FHIT: variants seen among roughly 807,000 people sequenced by gnomAD.
The protein encoded by FHIT is fragile histidine triad diadenosine triphosphatase.
A neutral mutation model predicts 17.9 loss-of-function variants in FHIT; 19 were observed. The ratio of observed to expected loss-of-function variants is 1.06; its 90% CI spans 0.74 to 1.56. The LOEUF (loss-of-function observed/expected upper bound fraction) is 1.56, where lower values mean the gene tolerates loss of function less well. Among genes scored for constraint, FHIT ranks in the 40% most tolerant of loss-of-function variants. The probability of loss-of-function intolerance (pLI) is 0.00; values close to 1 mark genes in which losing one functional copy is unlikely to be tolerated. For synonymous variants in FHIT, 81 were observed against 69.7 expected (o/e 1.16, Z -0.81); for missense variants, 248 against 189.2 (o/e 1.31, Z -1.82).
intron 8 of FHIT, among the ~76,000 whole-genome samples, chr3:59,798,058 C>G (rs753175041): frequency 6.6e-6 from 1 of 152,136 alleles, no homozygotes. Context: ...GTGATTTCCT[C>G]TTCAACACCA....
At chr3:60,128,793 C>T (rs1482361333) in intron 5 of FHIT, among the ~76,000 whole-genome samples, 1 of 152,148 alleles carries the variant, frequency 6.6e-6, no homozygotes, top group Non-Finnish European at 1.5e-5. Context: ...ATGAACACTG[C>T]ACAGGTGAAC....
Position 60,167,955 on chromosome 3 carries a change from T to C in FHIT, c.104-153803A>G, listed in dbSNP as rs1469859531. 2.0e-5 allele frequency among the ~76,000 whole-genome samples: 3 copies of C among 151,964 alleles called. No homozygotes were observed. The South Asian group carries it at 6.2e-4, about 32-fold the overall frequency. On this transcript the variant is annotated intron_variant, in intron 5 of 9. Transcript: ENST00000492590. ...GGGAAGATGGGCTGAGCCTGAGAGG[T>C]TGAGAACTCAGTGAGCCGTGATCAC... is the stretch of plus-strand genomic sequence containing the variant.
rs375833920 is a variant in FHIT at position 60,457,541 on chromosome 3, G to A, written c.103+79319C>T. On this transcript the variant is annotated intron_variant, in intron 5 of 9. Transcript: ENST00000492590. ...CATGGGCAAGGACTTCATGTCTAAA[G>A]CACCAAAAGCAATGGCAACAAAAGC... is the stretch of plus-strand genomic sequence containing the variant. 9.2e-5 allele frequency among the ~76,000 whole-genome samples: 14 copies of A among 152,058 alleles called. No homozygotes were observed. The East Asian group carries it at 1.5e-3, about 17-fold the overall frequency.
intron 5 of FHIT, among the ~76,000 whole-genome samples, chr3:60,522,426 T>A (rs1576807101): frequency 1.3e-5 from 2 of 152,198 alleles, no homozygotes; most frequent in East Asian, 3.9e-4. Context: ...AACCATAATT[T>A]CTTAATGCAA....
At chr3:60,365,177 T>C (rs1169679040) in intron 5 of FHIT, among the ~76,000 whole-genome samples, 2 of 149,612 alleles carry the variant, frequency 1.3e-5, no homozygotes, top group Non-Finnish European at 3.0e-5. Flanking sequence ...TACTATATTA[T>C]ATATAATACT....
At chr3:60,694,812 G>A (rs2041077520) in intron 4 of FHIT, among the ~76,000 whole-genome samples, 1 of 151,982 alleles carries the variant, frequency 6.6e-6, no homozygotes, top group Admixed American at 6.6e-5. Flanking sequence ...ACTATGGCAA[G>A]GACAAAAAAC....
At chr3:61,221,073 G>C (rs1224591528) in intron 1 of FHIT, among the ~76,000 whole-genome samples, 1 of 151,674 alleles carries the variant, frequency 6.6e-6, no homozygotes, top group Middle Eastern at 3.4e-3. Flanking sequence ...TAGAGTCACA[G>C]ACAAATCAAA....
chr3:59,821,986 T>C (rs753300103), intron 8 of FHIT, among the ~76,000 whole-genome samples: 11 of 152,178 alleles, frequency 7.2e-5, no homozygotes, highest in African/African-American at 1.4e-4. Flanking sequence ...AAGTCCATTG[T>C]ATTATTCTTA....
intron 8 of FHIT, among the ~76,000 whole-genome samples, chr3:59,799,334 G>A (rs900186118): frequency 2.6e-5 from 4 of 152,106 alleles, no homozygotes; most frequent in Admixed American, 1.3e-4. Flanking sequence ...GCTTATGCAG[G>A]TCCTACTGGG....
intron 5 of FHIT, among the ~76,000 whole-genome samples, chr3:60,318,211 A>C (rs1230336302): frequency 6.6e-6 from 1 of 152,208 alleles, no homozygotes; most frequent in Non-Finnish European, 1.5e-5. Context: ...AATAAGCACC[A>C]AGAAAAAAAT....
rs180744764 is a variant in FHIT at position 61,032,232 on chromosome 3, A to G, written c.-111+9815T>C. On this transcript the variant is annotated intron_variant, in intron 3 of 9. Coordinates refer to ENST00000492590, the MANE Select transcript of FHIT (RefSeq NM_002012.4). ...CTTTACATACAGTAAACTTGTCCAC[A>G]TGAAACTTAAAGTTTCAGTTTTAAC... Among the ~76,000 whole-genome samples, 301 of 152,318 alleles carry G rather than the reference A, an allele frequency of 2.0e-3. 2 individuals carry two copies. The highest frequency in any genetic ancestry group is 6.9e-3 in the African/African-American group (285 of 41,562).
intron 5 of FHIT, among the ~76,000 whole-genome samples, chr3:60,347,667 C>T (rs954926584): frequency 8.9e-5 from 6 of 67,474 alleles, no homozygotes; most frequent in Non-Finnish European, 1.7e-4. Flanking sequence ...TTCAGATCAC[C>T]ACTGGTTTGG....
At chr3:60,326,151 G>C (rs1412445474) in intron 5 of FHIT, among the ~76,000 whole-genome samples, 4 of 152,022 alleles carry the variant, frequency 2.6e-5, no homozygotes, top group Non-Finnish European at 5.9e-5. Flanking sequence ...GTGGAGTGGG[G>C]CTGGCAGGGG....
At chr3:59,854,772 C>T (rs1301126441) in intron 8 of FHIT, among the ~76,000 whole-genome samples, 2 of 151,136 alleles carry the variant, frequency 1.3e-5, no homozygotes, top group East Asian at 2.0e-4. Context: ...ATACTAGGCT[C>T]CCTCTCTAAA....
chr3:60,626,356 A>G (rs1488336928), intron 4 of FHIT, among the ~76,000 whole-genome samples: 2 of 152,196 alleles, frequency 1.3e-5, no homozygotes, highest in African/African-American at 2.4e-5. Flanking sequence ...CCAAACATAA[A>G]AAGTCTTGCC....
intron 5 of FHIT, among the ~76,000 whole-genome samples, chr3:60,199,390 G>C (rs1702794966): frequency 6.6e-6 from 1 of 152,032 alleles, no homozygotes; most frequent in South Asian, 2.1e-4. Context: ...AAATCCATCA[G>C]TGACTCATGA....
chr3:61,078,474 A>G lies in FHIT; in HGVS notation c.-163-36375T>C, dbSNP rs371320139. 5.9e-5 allele frequency among the ~76,000 whole-genome samples: 9 copies of G among 152,276 alleles called. No individual in the cohort carries two copies. In the East Asian group the frequency reaches 1.5e-3, roughly 26 times the overall value. ...TGTGGCTTCTAGGAAGAACGAGTGG[A>G]AAACATTACACAGGCACCCGATAGT... On this transcript the variant is annotated intron_variant, in intron 2 of 9. Coordinates refer to ENST00000492590, the MANE Select transcript of FHIT (RefSeq NM_002012.4).
At chr3:60,971,765 A>T (rs1378880327) in intron 3 of FHIT, among the ~76,000 whole-genome samples, 1 of 152,152 alleles carries the variant, frequency 6.6e-6, no homozygotes, top group African/African-American at 2.4e-5. Context: ...TCCCATAAAT[A>T]TTCAGGGCCT....
At chr3:59,851,959 C>T in intron 8 of FHIT, among the ~76,000 whole-genome samples, 1 of 152,190 alleles carries the variant, frequency 6.6e-6, no homozygotes, top group East Asian at 1.9e-4. Context: ...ACCCTTTCAT[C>T]TTGCTCTAAA....
Sources: allele counts gnomAD v4.1 joint callset (sites outside exome capture counted in the v4.1 genomes callset), GRCh38; gene constraint gnomAD v4.1.1; transcripts MANE v1.5; gene names NCBI Gene and HGNC (gene_info 2026-07-23, HGNC 2026-07-21).